PASD1: variants seen among roughly 807,000 people sequenced by gnomAD.
PASD1 encodes the protein PAS domain containing repressor 1, also known as circadian clock protein PASD1.
In PASD1, 13 loss-of-function variants were observed where a neutral mutation model predicts 58.8. The ratio of observed to expected loss-of-function variants is 0.22; its 90% confidence interval spans 0.14 to 0.35. The LOEUF is 0.35. PASD1 is among the 10% of genes least tolerant of loss of function. The pLI is 1.00. For synonymous variants in PASD1, 236 were observed against 216.7 expected (o/e 1.09, Z -0.78); for missense variants, 734 against 568.3 (o/e 1.29, Z -2.96).
At chrX:151,660,089 C>T (rs1039676651) in intron 10 of PASD1, among the ~76,000 whole-genome samples, 8 of 111,960 alleles carry the variant, frequency 7.1e-5, no homozygotes, top group African/African-American at 2.6e-4. Context: ...GGATCTCAAT[C>T]CTTGAAGGAA....
Position 151,664,368 on chromosome X carries a change from T to G in PASD1, c.1071+20T>G. 2 of 1,207,774 alleles carry G rather than the reference T, an allele frequency of 1.7e-6. No individual in the cohort carries two copies. The highest frequency in any genetic ancestry group is 2.2e-6 in the Non-Finnish European group (2 of 893,126). ...GCTCAGGTACTCTGAAAGTCTCGCTTCACTCGCTTCACGTTTGTCTGGATA... is the reference window on the plus strand; with the variant it reads ...GCTCAGGTACTCTGAAAGTCTCGCTGCACTCGCTTCACGTTTGTCTGGATA... On this transcript the variant is annotated intron_variant, in intron 11 of 15. Transcript: ENST00000370357.
intron 14 of PASD1, 155 bp from the exon 15 acceptor site, chrX:151,673,773 C>G: frequency 1.6e-6 from 1 of 611,342 alleles, no homozygotes; most frequent in African/African-American, 2.2e-5. Context: ...CAAGTTGAAT[C>G]TTAGTCAGGC....
At chrX:151,672,006 A>G (rs925182278) in intron 13 of PASD1, among the ~76,000 whole-genome samples, 177 bp from the exon 14 acceptor site, 1 of 112,767 alleles carries the variant, frequency 8.9e-6, no homozygotes, top group African/African-American at 3.2e-5. Flanking sequence ...TGCCAGGTGC[A>G]TGGCTGCAGC....
chrX:151,617,241 A>T (rs1406944669), intron 4 of PASD1, among the ~76,000 whole-genome samples: 1 of 111,505 alleles, frequency 9.0e-6, no homozygotes, highest in Non-Finnish European at 1.9e-5. Flanking sequence ...CATGAGGTCG[A>T]TCATGCTTTC....
chrX:151,654,101 C>G (rs2014206631), intron 9 of PASD1, among the ~76,000 whole-genome samples: 1 of 103,110 alleles, frequency 9.7e-6, no homozygotes, highest in Non-Finnish European at 2.0e-5. Flanking sequence ...TCCCAAGTAG[C>G]TGGGACTGCA....
intron 9 of PASD1, among the ~76,000 whole-genome samples, chrX:151,657,870 A>T (rs1350958093): frequency 1.9e-5 from 2 of 106,004 alleles, no homozygotes; most frequent in East Asian, 3.0e-4. Flanking sequence ...GCTCTATTTT[A>T]TGTAGCATTT....
chrX:151,671,326 C>G, intron 12 of PASD1, 130 bp downstream of exon 12: 1 of 814,629 alleles, frequency 1.2e-6, no homozygotes. Flanking sequence ...CAGCTGCTGC[C>G]CACAGGGTGA....
chrX:151,672,328 A>T lies in PASD1; in HGVS notation c.1583A>T (p.Glu528Val). 1.7e-6 allele frequency: 2 copies of T among 1,175,637 alleles called. No individual in the cohort carries two copies. The highest frequency in any genetic ancestry group is 3.2e-5 in the East Asian group (1 of 31,400). Residue 528 changes from glutamate (E) to valine (V), a missense_variant, in exon 14 of 16, where the codon GAG (glutamate) becomes GTG (valine). By Grantham distance (121) the Glu-to-Val change is moderately radical. Transcript: ENST00000370357. ...AAGCTGCAGGAGCAGAAAATGCAGG[A>T]GAAGAAGAAGCTGCAGGAGCAGAGG... Reference protein sequence around the residue: ...KKKLQEQKMQEKKKLQEQRRQ... With the variant: ...KKKLQEQKMQVKKKLQEQRRQ...
At chrX:151,585,783 T>C (rs183643244) in intron 1 of PASD1, among the ~76,000 whole-genome samples, 1 of 112,130 alleles carries the variant, frequency 8.9e-6, no homozygotes, top group East Asian at 2.8e-4. Flanking sequence ...TTTTCTCTGC[T>C]AATATCCAGG....
At chrX:151,635,563 G>T (rs992094506) in intron 8 of PASD1, among the ~76,000 whole-genome samples, 5 of 111,903 alleles carry the variant, frequency 4.5e-5, no homozygotes, top group African/African-American at 1.6e-4. Context: ...ACAAAGGCCT[G>T]GCCCCACTGT....
intron 2 of PASD1, among the ~76,000 whole-genome samples, chrX:151,603,859 T>C (rs1479480116): frequency 1.8e-5 from 2 of 112,020 alleles, no homozygotes; most frequent in African/African-American, 3.2e-5. Context: ...ATCCTTGTCA[T>C]AGGATTTTAC....
intron 3 of PASD1, among the ~76,000 whole-genome samples, chrX:151,609,178 C>T (rs928515927): frequency 9.9e-5 from 11 of 111,020 alleles, no homozygotes; most frequent in East Asian, 2.8e-4. Context: ...TACATTTAGG[C>T]GAAGATTCCC....
intron 9 of PASD1, 71 bp downstream of exon 9, chrX:151,648,773 G>A (rs1470374560): frequency 3.6e-6 from 4 of 1,101,938 alleles, no homozygotes; most frequent in Non-Finnish European, 3.7e-6. Context: ...TTTAGTTAAT[G>A]TGTGTTACCA....
chrX:151,635,845 T>G (rs2013924056), intron 8 of PASD1, among the ~76,000 whole-genome samples: 1 of 105,825 alleles, frequency 9.4e-6, no homozygotes, highest in Admixed American at 9.9e-5. Flanking sequence ...TATTTTATGT[T>G]TGAAAATTGT....
intron 8 of PASD1, chrX:151,645,640 A>G (rs1197810231): frequency 1.8e-5 from 2 of 112,032 alleles, no homozygotes; most frequent in African/African-American, 3.2e-5. Context: ...TTACGTAACT[A>G]CAACTGGCAA....
chrX:151,633,482 T>G (rs2013893893), intron 8 of PASD1, among the ~76,000 whole-genome samples: 1 of 111,281 alleles, frequency 9.0e-6, no homozygotes, highest in Non-Finnish European at 1.9e-5. Flanking sequence ...ACTAATCATA[T>G]TAGTAGCATG....
At chrX:151,594,820 T>C (rs1341772852) in intron 1 of PASD1, among the ~76,000 whole-genome samples, 1 of 111,505 alleles carries the variant, frequency 9.0e-6, no homozygotes, top group Non-Finnish European at 1.9e-5. Flanking sequence ...ATATTTCTAT[T>C]AAAGCTGGTA....
Position 151,625,619 on chromosome X carries a change from A to G in PASD1, c.629+89A>G, listed in dbSNP as rs1405325942. On this transcript the variant is annotated intron_variant, in intron 8 of 15. Transcript: ENST00000370357. ...AACAAGAGAAATAACACCTACAGAT[A>G]TTTTTTTTCCCATCAAAATGAAAAT... 1.1e-5 allele frequency: 8 copies of G among 705,073 alleles called. No homozygotes were observed. The East Asian group carries it at 2.7e-4, about 24-fold the overall frequency. The allele number at this position is 705,073 out of a possible 1,213,427, so 58.1% of individuals were successfully genotyped here.
intron 8 of PASD1, among the ~76,000 whole-genome samples, chrX:151,632,903 G>A (rs1289122934): frequency 9.1e-6 from 1 of 110,276 alleles, no homozygotes; most frequent in Non-Finnish European, 1.9e-5. Context: ...AGATCTATAT[G>A]TTTTGTAAAA....
Sources: allele counts gnomAD v4.1 joint callset (sites outside exome capture counted in the v4.1 genomes callset), GRCh38; gene constraint gnomAD v4.1.1; transcripts MANE v1.5; gene names NCBI Gene and HGNC (gene_info 2026-07-23, HGNC 2026-07-21).